The following PSIP1 variants were observed in gnomAD, a reference collection of about 807,000 sequenced individuals.
The protein encoded by PSIP1 is PC4 and SFRS1-interacting protein.
PSIP1 carries 19 observed loss-of-function variants against 74.7 expected under a neutral mutation model. The observed-to-expected ratio is 0.25, with a 90% CI of 0.18 to 0.37. PSIP1 has a LOEUF of 0.37. PSIP1 is among the 10% of genes least tolerant of loss of function. The pLI is 1.00. For synonymous variants in PSIP1, 222 were observed against 195.3 expected (o/e 1.14, Z -1.14); for missense variants, 601 against 614.3 (o/e 0.98, Z 0.23).
intron 3 of PSIP1, among the ~76,000 whole-genome samples, chr9:15,496,185 A>G (rs78864856): frequency 0.014 from 2,090 of 152,332 alleles, 40 homozygotes; most frequent in African/African-American, 0.048. Context: ...TGTAGTTTAT[A>G]CAATTAGTTA....
At chr9:15,481,315 A>G (rs1265450953) in intron 6 of PSIP1, among the ~76,000 whole-genome samples, 2 of 152,236 alleles carry the variant, frequency 1.3e-5, no homozygotes, top group East Asian at 1.9e-4. Context: ...AAATTCAGTT[A>G]TAACTGGTCA....
chr9:15,486,397 A>G (rs965494866), intron 5 of PSIP1, among the ~76,000 whole-genome samples: 1 of 152,238 alleles, frequency 6.6e-6, no homozygotes, highest in Admixed American at 6.5e-5. Flanking sequence ...TGGCTGGGAC[A>G]TTGAAGATCA....
chr9:15,500,471 CAA>C (rs142387253), intron 3 of PSIP1, among the ~76,000 whole-genome samples: 12 of 136,144 alleles, frequency 8.8e-5, no homozygotes, highest in Admixed American at 8.2e-4. Context: ...ACTCTGTCTC[CAA>C]AAAAAAAAGA....
intron 1 of PSIP1, 92 bp downstream of exon 1, chr9:15,510,725 C>G (rs2037831116): frequency 6.6e-6 from 1 of 152,260 alleles, no homozygotes; most frequent in African/African-American, 2.4e-5. Flanking sequence ...TCGGCCCCCT[C>G]GGCTCCCGGG....
chr9:15,479,215 A>C lies in PSIP1; in HGVS notation c.553+376T>G, dbSNP rs60004305. On this transcript the variant is annotated intron_variant, in intron 7 of 15. Coordinates refer to ENST00000380733, the MANE Select transcript of PSIP1 (RefSeq NM_033222.5). ...GTAAAAATCAAAATCCCTATCAATA[A>C]AGAACGCACAAATTTAAAATATTAA... 4.9e-3 allele frequency among the ~76,000 whole-genome samples: 751 copies of C among 152,240 alleles called. 3 individuals are homozygous for C. The highest frequency in any genetic ancestry group is 0.018 in the African/African-American group (739 of 41,564).
At chr9:15,469,774 T>C (rs550297395) in intron 11 of PSIP1, among the ~76,000 whole-genome samples, 164 bp downstream of exon 11, 1 of 152,276 alleles carries the variant, frequency 6.6e-6, no homozygotes, top group Non-Finnish European at 1.5e-5. Context: ...TTGATTATGC[T>C]TAAAATACAA....
At chr9:15,495,095 T>C (rs940822944) in intron 3 of PSIP1, among the ~76,000 whole-genome samples, 3 of 152,138 alleles carry the variant, frequency 2.0e-5, no homozygotes, top group East Asian at 1.9e-4. Context: ...ACTAAAGAAG[T>C]TGAATCTTAA....
intron 4 of PSIP1, among the ~76,000 whole-genome samples, chr9:15,487,169 C>CAG (rs1303220115): frequency 6.6e-6 from 1 of 150,922 alleles, no homozygotes; most frequent in Non-Finnish European, 1.5e-5. Flanking sequence ...CACTGTACCC[C>CAG]AGCCTGGGCA....
intron 1 of PSIP1, 114 bp from the exon 2 acceptor site, chr9:15,510,443 C>T (rs1363931952): frequency 1.0e-5 from 4 of 401,964 alleles, no homozygotes; most frequent in Non-Finnish European, 1.3e-5. Context: ...CGGCCGCCTC[C>T]CGCTCCTCCC....
At chr9:15,471,640 T>C (rs1261297497) in intron 10 of PSIP1, 4 of 953,494 alleles carry the variant, frequency 4.2e-6, no homozygotes, top group Non-Finnish European at 5.0e-6. Context: ...TTTTGAGCTT[T>C]AGATAAGTTA....
intron 6 of PSIP1, among the ~76,000 whole-genome samples, chr9:15,483,914 G>A (rs1426511463): frequency 6.6e-6 from 1 of 152,024 alleles, no homozygotes; most frequent in Non-Finnish European, 1.5e-5. Context: ...GATCACTTGA[G>A]GCCAGGAGTT....
chr9:15,505,897 G>T (rs961413888), intron 3 of PSIP1: 1 of 152,148 alleles, frequency 6.6e-6, no homozygotes, highest in Non-Finnish European at 1.5e-5. Flanking sequence ...CCAAAATTAT[G>T]ACAGACACCA....
At chr9:15,497,358 C>G (rs968764172) in intron 3 of PSIP1, among the ~76,000 whole-genome samples, 8 of 117,324 alleles carry the variant, frequency 6.8e-5, no homozygotes, top group Non-Finnish European at 1.0e-4. Context: ...GAGTCTTGCT[C>G]TGTCACTCAG....
chr9:15,492,906 C>T (rs1225768579), intron 3 of PSIP1, among the ~76,000 whole-genome samples: 1 of 152,204 alleles, frequency 6.6e-6, no homozygotes, highest in Non-Finnish European at 1.5e-5. Context: ...GGACACAGGG[C>T]ACCAAGTCCC....
intron 3 of PSIP1, among the ~76,000 whole-genome samples, chr9:15,496,311 T>C (rs971431639): frequency 1.3e-5 from 2 of 152,222 alleles, no homozygotes; most frequent in African/African-American, 2.4e-5. Context: ...ACTGCCTATA[T>C]ATACCCTTCT....
intron 3 of PSIP1, among the ~76,000 whole-genome samples, chr9:15,493,783 C>A (rs1473486487): frequency 6.6e-6 from 1 of 152,166 alleles, no homozygotes; most frequent in Non-Finnish European, 1.5e-5. Context: ...ATCACCATAA[C>A]AGCATTTGGG....
chr9:15,506,641 A>C lies in PSIP1; in HGVS notation c.73-4T>G, dbSNP rs776372667. On this transcript the variant is annotated splice_region_variant and splice_polypyrimidine_tract_variant and intron_variant, in intron 2 of 15. Coordinates refer to ENST00000380733, the MANE Select transcript of PSIP1 (RefSeq NM_033222.5). ...CTCCATCAGGAACTTCGTCTACCTA[A>C]AAGAAAAGTGAGAAAAATTAAAATA... 1 of 1,600,326 alleles carries C rather than the reference A, an allele frequency of 6.2e-7. No individual in the cohort carries two copies. The highest frequency in any genetic ancestry group is 1.7e-5 in the Admixed American group (1 of 59,788).
At chr9:15,488,714 G>A (rs749097365) in intron 4 of PSIP1, among the ~76,000 whole-genome samples, 35 of 151,908 alleles carry the variant, frequency 2.3e-4, no homozygotes, top group Admixed American at 7.2e-4. Flanking sequence ...GTGAAACCCC[G>A]TCTCTACTAA....
intron 3 of PSIP1, among the ~76,000 whole-genome samples, chr9:15,496,492 T>C (rs1175629172): frequency 6.6e-6 from 1 of 152,224 alleles, no homozygotes; most frequent in African/African-American, 2.4e-5. Flanking sequence ...CAGAACTATA[T>C]TCATTCATAA....
Sources: allele counts gnomAD v4.1 joint callset (sites outside exome capture counted in the v4.1 genomes callset), GRCh38; gene constraint gnomAD v4.1.1; transcripts MANE v1.5; gene names NCBI Gene and HGNC (gene_info 2026-07-23, HGNC 2026-07-21).